The following STXBP5L variants were observed in gnomAD, a reference collection of about 807,000 sequenced individuals.
STXBP5L encodes the protein syntaxin-binding protein 5-like.
Under a neutral mutation model 144.5 loss-of-function variants are expected in STXBP5L, and 65 were observed. That is an observed-to-expected ratio of 0.45 (90% CI 0.37 to 0.55). STXBP5L has a LOEUF of 0.55. Among genes scored for constraint, STXBP5L ranks in the 20% least tolerant of loss-of-function variants. The probability of loss-of-function intolerance (pLI) is 0.00; values close to 1 mark genes in which losing one functional copy is unlikely to be tolerated. For missense variants in STXBP5L, 1,298 were observed against 1,405.5 expected (o/e 0.92, Z 1.22); for synonymous variants, 505 against 469.6 (o/e 1.08, Z -0.97).
intron 20 of STXBP5L, among the ~76,000 whole-genome samples, chr3:121,347,440 C>T (rs1480567386): frequency 1.3e-5 from 2 of 150,514 alleles, no homozygotes; most frequent in African/African-American, 4.9e-5. Context: ...TGACTTGTGG[C>T]CTCTTTTTTC....
chr3:120,981,975 C>T (rs1159347319), intron 3 of STXBP5L, among the ~76,000 whole-genome samples: 1 of 152,156 alleles, frequency 6.6e-6, no homozygotes, highest in Non-Finnish European at 1.5e-5. Context: ...CAGTGGCTTT[C>T]TTAAATGCCA....
chr3:121,135,811 G>C (rs932235422), intron 7 of STXBP5L, among the ~76,000 whole-genome samples: 5 of 152,106 alleles, frequency 3.3e-5, no homozygotes, highest in Non-Finnish European at 7.3e-5. Flanking sequence ...AGACCACCTT[G>C]GTGTCATGAA....
At chr3:121,092,780 T>A in intron 5 of STXBP5L, among the ~76,000 whole-genome samples, 2 of 152,210 alleles carry the variant, frequency 1.3e-5, no homozygotes. Flanking sequence ...TCCTGTCTAA[T>A]TGCCCTGGCC....
intron 3 of STXBP5L, among the ~76,000 whole-genome samples, chr3:121,020,346 A>G (rs1945457074): frequency 6.6e-6 from 1 of 152,236 alleles, no homozygotes; most frequent in South Asian, 2.1e-4. Context: ...ATTTGAGGGA[A>G]TAATCAAGGA....
At chr3:120,970,486 A>G (rs1002907265) in intron 3 of STXBP5L, among the ~76,000 whole-genome samples, 1 of 152,050 alleles carries the variant, frequency 6.6e-6, no homozygotes, top group Non-Finnish European at 1.5e-5. Context: ...CTCTTTTTCA[A>G]TATAACATCC....
At chr3:121,077,675 C>G (rs376467825) in intron 5 of STXBP5L, among the ~76,000 whole-genome samples, 2 of 152,116 alleles carry the variant, frequency 1.3e-5, no homozygotes, top group East Asian at 3.9e-4. Context: ...TACAGAGAGC[C>G]GAGTGGTCTG....
intron 9 of STXBP5L, among the ~76,000 whole-genome samples, chr3:121,168,011 A>G (rs979731252): frequency 1.3e-5 from 2 of 152,186 alleles, no homozygotes; most frequent in African/African-American, 4.8e-5. Flanking sequence ...GCTGTTCTGC[A>G]GCCACCACTG....
intron 5 of STXBP5L, among the ~76,000 whole-genome samples, chr3:121,091,859 G>T (rs1238940552): frequency 6.6e-6 from 1 of 152,136 alleles, no homozygotes. Flanking sequence ...CCATGCCTAT[G>T]TCCTGAATGG....
At chr3:121,058,724 C>T (rs980666868) in intron 5 of STXBP5L, among the ~76,000 whole-genome samples, 98 of 152,156 alleles carry the variant, frequency 6.4e-4, no homozygotes, top group African/African-American at 2.3e-3. Context: ...CTCTAATGAC[C>T]AGTGATGATG....
At chr3:120,967,172 G>A (rs757358133) in intron 3 of STXBP5L, among the ~76,000 whole-genome samples, 4 of 152,038 alleles carry the variant, frequency 2.6e-5, no homozygotes, top group East Asian at 3.9e-4. Flanking sequence ...GTATTTGGTC[G>A]GGGAGTGTCC....
chr3:121,329,978 G>A (rs907136833), intron 20 of STXBP5L, among the ~76,000 whole-genome samples: 4 of 152,088 alleles, frequency 2.6e-5, no homozygotes, highest in Admixed American at 1.3e-4. Flanking sequence ...ATTTCTGTTT[G>A]CATATTAAAT....
chr3:121,113,190 A>T (rs2044073531), intron 5 of STXBP5L, among the ~76,000 whole-genome samples: 1 of 152,184 alleles, frequency 6.6e-6, no homozygotes, highest in South Asian at 2.1e-4. Flanking sequence ...CCTGGAAGTG[A>T]CTATGTAATA....
intron 19 of STXBP5L, 23 bp from the exon 20 acceptor site, chr3:121,318,452 A>AT (rs747141460): frequency 8.5e-5 from 130 of 1,526,536 alleles, no homozygotes; most frequent in South Asian, 3.3e-4. Context: ...AATTTATCTC[A>AT]TTTTTTTTCA....
intron 10 of STXBP5L, among the ~76,000 whole-genome samples, chr3:121,212,370 C>T (rs1004164049): frequency 1.3e-5 from 2 of 151,990 alleles, no homozygotes; most frequent in Non-Finnish European, 1.5e-5. Context: ...GTCTTTAATC[C>T]ATCTTGTGCT....
intron 3 of STXBP5L, among the ~76,000 whole-genome samples, chr3:120,971,739 T>C (rs1263140432): frequency 6.7e-6 from 1 of 150,142 alleles, no homozygotes; most frequent in Non-Finnish European, 1.5e-5. Context: ...TATATGTGTG[T>C]ATATATATAT....
intron 18 of STXBP5L, among the ~76,000 whole-genome samples, chr3:121,263,120 G>A (rs145568986): frequency 4.3e-4 from 66 of 152,332 alleles, no homozygotes; most frequent in African/African-American, 1.6e-3. Flanking sequence ...TCCAAGGAAG[G>A]AACAGGCAGC....
intron 9 of STXBP5L, among the ~76,000 whole-genome samples, chr3:121,162,950 G>A (rs971251139): frequency 6.6e-6 from 1 of 152,164 alleles, no homozygotes; most frequent in Non-Finnish European, 1.5e-5. Flanking sequence ...TGGAGAAATA[G>A]GAATGCTTTT....
intron 20 of STXBP5L, among the ~76,000 whole-genome samples, chr3:121,329,480 C>G (rs1262887435): frequency 6.6e-6 from 1 of 152,178 alleles, no homozygotes; most frequent in Non-Finnish European, 1.5e-5. Flanking sequence ...GGAGGAAATT[C>G]TGTGGCAATT....
intron 9 of STXBP5L, among the ~76,000 whole-genome samples, chr3:121,166,666 A>G (rs61796882): frequency 0.041 from 6,285 of 152,198 alleles, 194 homozygotes; most frequent in Non-Finnish European, 0.06. Context: ...GATTTTTATC[A>G]TAGTGTCTAA....
Sources: gnomAD v4.1 joint callset for allele counts (sites outside exome capture counted in the v4.1 genomes callset) on GRCh38, gnomAD v4.1.1 for gene constraint, MANE v1.5 for transcripts, NCBI Gene and HGNC (gene_info 2026-07-23, HGNC 2026-07-21) for gene names.